C1QTNF3: variants seen among roughly 807,000 people sequenced by gnomAD.
C1QTNF3 encodes the protein complement C1q tumor necrosis factor-related protein 3.
Under a neutral mutation model 32.6 loss-of-function variants are expected in C1QTNF3, and 26 were observed. The ratio of observed to expected loss-of-function variants is 0.80; its 90% CI spans 0.58 to 1.11. The LOEUF (loss-of-function observed/expected upper bound fraction) is 1.11. Ranked by LOEUF, C1QTNF3 falls within the 50% of genes least tolerant of loss-of-function variation. The probability of loss-of-function intolerance (pLI) is 0.00; values close to 1 mark genes in which losing one functional copy is unlikely to be tolerated. For synonymous variants in C1QTNF3, 155 were observed against 146.0 expected (o/e 1.06, Z -0.44); for missense variants, 362 against 398.2 (o/e 0.91, Z 0.77).
At chr5:34,216,444 T>A in the C1QTNF3 span, among the ~76,000 whole-genome samples, 1 of 152,180 alleles carries the variant, frequency 6.6e-6, no homozygotes, top group East Asian at 1.9e-4. Flanking sequence ...GTATTTCTTA[T>A]AAGCATTTAG....
At chr5:34,057,962 C>A in the C1QTNF3 span, among the ~76,000 whole-genome samples, 12 of 152,166 alleles carry the variant, frequency 7.9e-5, no homozygotes, top group Non-Finnish European at 1.6e-4. Flanking sequence ...GGCAAAAGAC[C>A]TGCCTCCCTG....
chr5:34,221,073 A>G, the C1QTNF3 span, among the ~76,000 whole-genome samples: 6 of 152,106 alleles, frequency 3.9e-5, no homozygotes, highest in African/African-American at 1.4e-4. Flanking sequence ...TTTCTTGAAG[A>G]GCGATCTGTG....
At chr5:34,228,629 A>G in the C1QTNF3 span, among the ~76,000 whole-genome samples, 1 of 150,684 alleles carries the variant, frequency 6.6e-6, no homozygotes, top group Non-Finnish European at 1.5e-5. Context: ...TTGGGAGAAG[A>G]CAGCTTCCAT....
the C1QTNF3 span, among the ~76,000 whole-genome samples, chr5:34,127,921 G>A: frequency 4.4e-4 from 67 of 152,154 alleles, no homozygotes; most frequent in African/African-American, 1.6e-3. Flanking sequence ...CAGGCTGGCT[G>A]CATAAATTTG....
the C1QTNF3 span, chr5:34,165,479 A>C: frequency 6.6e-6 from 1 of 152,150 alleles, no homozygotes; most frequent in Non-Finnish European, 1.5e-5. Context: ...AAAATTTGAT[A>C]ATGTATGTAC....
intron 4 of C1QTNF3, among the ~76,000 whole-genome samples, chr5:34,025,787 G>C (rs911898149): frequency 6.6e-6 from 1 of 152,166 alleles, no homozygotes; most frequent in South Asian, 2.1e-4. Flanking sequence ...ATGTGGACTA[G>C]GTATTTCTAG....
At chr5:34,195,503 G>C in the C1QTNF3 span, among the ~76,000 whole-genome samples, 10 of 151,756 alleles carry the variant, frequency 6.6e-5, no homozygotes, top group Non-Finnish European at 1.0e-4. Context: ...TAATATATCA[G>C]CCTATTACCA....
chr5:34,041,526 G>A (rs577058458), intron 1 of C1QTNF3, among the ~76,000 whole-genome samples: 8 of 152,118 alleles, frequency 5.3e-5, no homozygotes, highest in Non-Finnish European at 1.2e-4. Flanking sequence ...GGACACAAGT[G>A]AAAATATCTT....
chr5:34,107,416 A>G, the C1QTNF3 span, among the ~76,000 whole-genome samples: 1 of 151,570 alleles, frequency 6.6e-6, no homozygotes, highest in Admixed American at 6.6e-5. Context: ...ATAAGCCCCC[A>G]TGATAACTAT....
intron 5 of C1QTNF3, among the ~76,000 whole-genome samples, chr5:34,023,496 TC>T (rs1754392994): frequency 1.3e-5 from 2 of 152,202 alleles, no homozygotes; most frequent in South Asian, 4.1e-4. Context: ...ACAAAGTTTT[TC>T]ATAGATAACT....
At chr5:34,044,336 G>A (rs1754945180), upstream of C1QTNF3, among the ~76,000 whole-genome samples, 1 of 152,168 alleles carries the variant, frequency 6.6e-6, no homozygotes, top group African/African-American at 2.4e-5. Context: ...TTAAGAAAAT[G>A]TTACTGGCCT....
chr5:34,021,909 T>C (rs144765294), intron 5 of C1QTNF3, among the ~76,000 whole-genome samples: 10 of 152,342 alleles, frequency 6.6e-5, no homozygotes, highest in Admixed American at 6.5e-4. Context: ...TCTGCACATG[T>C]ATCCTGGAAC....
chr5:34,139,604 A>G, the C1QTNF3 span, among the ~76,000 whole-genome samples: 4 of 151,648 alleles, frequency 2.6e-5, no homozygotes, highest in African/African-American at 9.7e-5. Flanking sequence ...TAGAAACAAT[A>G]TATTTTTTTT....
chr5:34,161,260 C>T, the C1QTNF3 span, among the ~76,000 whole-genome samples: 4 of 152,084 alleles, frequency 2.6e-5, no homozygotes, highest in African/African-American at 9.7e-5. Context: ...TGCTTCAGAG[C>T]CGAACTTTAT....
chr5:34,112,109 T>C, the C1QTNF3 span, among the ~76,000 whole-genome samples: 1 of 152,232 alleles, frequency 6.6e-6, no homozygotes, highest in East Asian at 1.9e-4. Context: ...CTCTAGATGA[T>C]CATTGTTTCC....
chr5:34,034,333 C>T (rs1294403924), intron 2 of C1QTNF3, among the ~76,000 whole-genome samples: 1 of 152,164 alleles, frequency 6.6e-6, no homozygotes, highest in Non-Finnish European at 1.5e-5. Context: ...ATTTTCATGT[C>T]ATTCTGTATA....
At chr5:34,217,877 T>C in the C1QTNF3 span, among the ~76,000 whole-genome samples, 189 of 152,254 alleles carry the variant, frequency 1.2e-3, no homozygotes, top group African/African-American at 4.2e-3. Flanking sequence ...TGGTGTGTCA[T>C]TAATCTAGGC....
the C1QTNF3 span, among the ~76,000 whole-genome samples, chr5:34,235,831 T>A: frequency 6.6e-6 from 1 of 152,286 alleles, no homozygotes; most frequent in African/African-American, 2.4e-5. Context: ...GCTGGTGATT[T>A]CTATATTACT....
intron 2 of C1QTNF3, 119 bp downstream of exon 2, chr5:34,035,528 A>C: frequency 1.3e-6 from 1 of 761,066 alleles, no homozygotes; most frequent in Non-Finnish European, 2.2e-6. Flanking sequence ...CAGGGTGCCA[A>C]GAGTCTAGCG....
Sources: allele counts gnomAD v4.1 joint callset (sites outside exome capture counted in the v4.1 genomes callset), GRCh38; gene constraint gnomAD v4.1.1; transcripts MANE v1.5; gene names NCBI Gene and HGNC (gene_info 2026-07-23, HGNC 2026-07-21).